The following CXCL17 variants were observed in gnomAD, a reference collection of about 807,000 sequenced individuals.
CXCL17 encodes C-X-C motif chemokine 17.
Under a neutral mutation model 15.5 loss-of-function variants are expected in CXCL17, and 9 were observed. The ratio of observed to expected loss-of-function variants is 0.58; its 90% CI spans 0.35 to 1.01. CXCL17 has a LOEUF of 1.01. Ranked by LOEUF, CXCL17 falls within the 50% of genes least tolerant of loss-of-function variation. The pLI is 0.02. For missense variants in CXCL17, 133 were observed against 138.2 expected, an observed-to-expected ratio of 0.96 and a Z score of 0.19; for synonymous variants, 52 against 52.3, an observed-to-expected ratio of 0.99 and a Z score of 0.02.
rs145217809 is a variant in CXCL17, at chr19:42,438,410, T to TACACACACACAC, written c.79+4332_79+4343dup. ...TATATATATATATATATATATAAAATACACACACACACACACACACACACA... is the reference window on the plus strand; with the variant it reads ...TATATATATATATATATATATAAAATACACACACACACACACACACACACACACACACACACA... On this transcript the variant is annotated intron_variant, in intron 1 of 3. Transcript: ENST00000601181. 1.6e-4 allele frequency among the ~76,000 whole-genome samples: 14 copies of TACACACACACAC among 90,026 alleles called. No homozygotes were observed. In the South Asian group the frequency reaches 3.1e-3, roughly 20 times the overall value. 59.1% of individuals were successfully genotyped at this position (90,026 alleles called of 152,430 possible).
At chr19:42,431,355 A>G (rs2040778876) in intron 3 of CXCL17, among the ~76,000 whole-genome samples, 1 of 152,230 alleles carries the variant, frequency 6.6e-6, no homozygotes, top group South Asian at 2.1e-4. Flanking sequence ...TGTATGTTAC[A>G]GATATCGTCT....
intron 1 of CXCL17, among the ~76,000 whole-genome samples, chr19:42,434,896 C>A (rs1010315980): frequency 6.6e-6 from 1 of 152,040 alleles, no homozygotes; most frequent in African/African-American, 2.4e-5. Flanking sequence ...ATTCCTATGA[C>A]AGGCTGGGCA....
At chr19:42,431,463 A>G (rs908079359) in intron 3 of CXCL17, among the ~76,000 whole-genome samples, 1 of 152,046 alleles carries the variant, frequency 6.6e-6, no homozygotes, top group Non-Finnish European at 1.5e-5. Context: ...TGGTTTGTGC[A>G]TTTTGTATTT....
intron 1 of CXCL17, among the ~76,000 whole-genome samples, chr19:42,442,366 T>A (rs1039853855): frequency 4.0e-5 from 6 of 151,662 alleles, no homozygotes; most frequent in African/African-American, 1.2e-4. Flanking sequence ...CCTGAGTAGC[T>A]GGGACTACAG....
chr19:42,442,525 C>T (rs112821438), intron 1 of CXCL17, among the ~76,000 whole-genome samples: 16,672 of 152,150 alleles, frequency 0.11, 1,013 homozygotes, highest in Middle Eastern at 0.21. Context: ...TGAGCCACCG[C>T]GCCCGGCCAG....
intron 1 of CXCL17, among the ~76,000 whole-genome samples, chr19:42,437,163 T>C (rs2040842337): frequency 6.6e-6 from 1 of 152,144 alleles, no homozygotes; most frequent in South Asian, 2.1e-4. Context: ...TCTTGAACTC[T>C]TAACCTCAAG....
chr19:42,430,325 G>A (rs921280052), intron 3 of CXCL17, among the ~76,000 whole-genome samples: 3 of 152,104 alleles, frequency 2.0e-5, no homozygotes, highest in Non-Finnish European at 4.4e-5. Flanking sequence ...TCCGGGCACG[G>A]TGGCTCATGC....
At chr19:42,436,308 G>A (rs2040834048) in intron 1 of CXCL17, among the ~76,000 whole-genome samples, 1 of 152,212 alleles carries the variant, frequency 6.6e-6, no homozygotes, top group Non-Finnish European at 1.5e-5. Context: ...ATGTTCTCAT[G>A]TGCTGTTTTG....
chr19:42,442,555 C>T (rs967417206), intron 1 of CXCL17, among the ~76,000 whole-genome samples, 199 bp downstream of exon 1: 4 of 152,154 alleles, frequency 2.6e-5, no homozygotes, highest in Admixed American at 1.3e-4. Context: ...TTTTCACATA[C>T]AATATCTCGT....
chr19:42,435,784 C>T (rs2040828619), intron 1 of CXCL17, among the ~76,000 whole-genome samples: 1 of 147,874 alleles, frequency 6.8e-6, no homozygotes, highest in South Asian at 2.1e-4. Flanking sequence ...GAGCTGAGAT[C>T]ATACCATTGC....
chr19:42,438,670 TATC>T (rs2040862091), intron 1 of CXCL17, among the ~76,000 whole-genome samples: 2 of 151,844 alleles, frequency 1.3e-5, no homozygotes, highest in Admixed American at 1.3e-4. Flanking sequence ...AGTCTGTAAA[TATC>T]ATTCTCCCAT....
chr19:42,432,595 C>T (rs1462410025), intron 3 of CXCL17, among the ~76,000 whole-genome samples: 7 of 151,974 alleles, frequency 4.6e-5, no homozygotes, highest in Admixed American at 4.6e-4. Context: ...ATGGCAAGAC[C>T]CCCTACTCAA....
chr19:42,439,535 T>C (rs1438932015), intron 1 of CXCL17, among the ~76,000 whole-genome samples: 1 of 152,120 alleles, frequency 6.6e-6, no homozygotes, highest in African/African-American at 2.4e-5. Flanking sequence ...AAGATACTTA[T>C]TAATTACAAT....
intron 1 of CXCL17, among the ~76,000 whole-genome samples, chr19:42,436,167 A>G (rs1355077393): frequency 1.3e-5 from 2 of 149,094 alleles, no homozygotes; most frequent in South Asian, 2.1e-4. Context: ...TGTTTGTTCA[A>G]CACGTGGATG....
At position 42,442,907 on chromosome 19, in the gene CXCL17, G is replaced by A. The variant is rs534254707; in HGVS notation, c.-75C>T. On this transcript the variant is annotated 5_prime_UTR_variant, in exon 1 of 4. Transcript: ENST00000601181. ...TCCCTGCTGGAGGCTCCTGATCCCT[G>A]GGGATGACTCAGGTCAGGATACTCA... The A allele has an allele frequency of 8.7e-7, 1 of 1,152,242 alleles. No individual in the cohort carries two copies. The highest frequency in any genetic ancestry group is 1.3e-5 in the South Asian group (1 of 75,464). 71.4% of individuals were successfully genotyped at this position (1,152,242 alleles called of 1,614,324 possible).
chr19:42,432,972 T>C lies in CXCL17; in HGVS notation c.262+4A>G, dbSNP rs2040798033. 8.1e-6 allele frequency: 13 copies of C among 1,609,222 alleles called. No individual in the cohort carries two copies. The highest frequency in any genetic ancestry group is 1.1e-5 in the Non-Finnish European group (13 of 1,175,640). ...ATAAGGAAAATCATCCTTTGGAAAC[T>C]TACTTGTTTTCTTCACATTGCCCTT... is the stretch of plus-strand genomic sequence containing the variant. On this transcript the variant is annotated splice_donor_region_variant and intron_variant, in intron 3 of 3. Coordinates refer to ENST00000601181, the MANE Select transcript of CXCL17 (RefSeq NM_198477.3).
chr19:42,438,230 C>T (rs868269106), intron 1 of CXCL17, among the ~76,000 whole-genome samples: 12 of 150,154 alleles, frequency 8.0e-5, no homozygotes, highest in African/African-American at 2.4e-4. Context: ...TGGTGGCGCA[C>T]GCCTTTAGTC....
At chr19:42,431,128 C>G (rs1019334217) in intron 3 of CXCL17, among the ~76,000 whole-genome samples, 2 of 152,258 alleles carry the variant, frequency 1.3e-5, no homozygotes, top group Non-Finnish European at 2.9e-5. Context: ...GCATGAACCA[C>G]TGCACCTGGC....
At chr19:42,435,298 A>G (rs545132289) in intron 1 of CXCL17, among the ~76,000 whole-genome samples, 6 of 152,314 alleles carry the variant, frequency 3.9e-5, no homozygotes, top group Non-Finnish European at 5.9e-5. Context: ...ATTTCCTGTC[A>G]ACATGAATTA....
Sources: gnomAD v4.1 joint callset for allele counts (sites outside exome capture counted in the v4.1 genomes callset) on GRCh38, gnomAD v4.1.1 for gene constraint, MANE v1.5 for transcripts, NCBI Gene and HGNC (gene_info 2026-07-23, HGNC 2026-07-21) for gene names.